FAM107B: variants seen among roughly 807,000 people sequenced by gnomAD.
FAM107B encodes the protein protein FAM107B.
Under a neutral mutation model 31.5 loss-of-function variants are expected in FAM107B, and 21 were observed. The observed-to-expected ratio is 0.67, with a 90% confidence interval of 0.47 to 0.96. The LOEUF is 0.96. Ranked by LOEUF, FAM107B falls within the 40% of genes least tolerant of loss-of-function variation. FAM107B has a pLI of 0.00. For missense variants in FAM107B, 452 were observed against 377.1 expected, an observed-to-expected ratio of 1.20 and a Z score of -1.64; for synonymous variants, 157 against 141.5, an observed-to-expected ratio of 1.11 and a Z score of -0.78.
intron 2 of FAM107B, among the ~76,000 whole-genome samples, chr10:14,543,655 T>G (rs1264790688): frequency 6.7e-6 from 1 of 149,600 alleles, no homozygotes; most frequent in South Asian, 2.1e-4. Flanking sequence ...AGCAGCCAAT[T>G]CTGTTCCAAG....
chr10:14,563,969 T>G (rs971643390), intron 2 of FAM107B, among the ~76,000 whole-genome samples: 7 of 152,312 alleles, frequency 4.6e-5, no homozygotes, highest in Admixed American at 4.6e-4. Flanking sequence ...TCATACTTTT[T>G]TTTGTTTTAG....
At chr10:14,558,018 G>A (rs911550531) in intron 2 of FAM107B, among the ~76,000 whole-genome samples, 2 of 152,236 alleles carry the variant, frequency 1.3e-5, no homozygotes, top group African/African-American at 2.4e-5. Context: ...GATCGAATTC[G>A]TCTTTTGAGC....
rs774786735 is a variant in FAM107B at position 14,573,576 on chromosome 10, C to CAAAAAA, written c.470-43067_470-43062dup. Among the ~76,000 whole-genome samples, 3 of 122,048 alleles carry CAAAAAA rather than the reference C, an allele frequency of 2.5e-5. 1 individual carries two copies. Among genetic ancestry groups the CAAAAAA allele is most frequent in the Non-Finnish European group, 4.9e-5 (3 of 60,846 alleles). The allele number at this position is 122,048 out of a possible 152,430, so 80.1% of individuals were successfully genotyped here. A position where few individuals can be genotyped will look rare whatever the true frequency, so the allele number is the denominator to read the frequency against. On this transcript the variant is annotated intron_variant, in intron 2 of 4. Transcript: ENST00000181796. ...TGAAACCCCATCTCTATTAAAAATA[C>CAAAAAA]AAAAAAAAAAAAAAAAAATTAGCAG...
At chr10:14,753,276 A>G (rs1480471605) in intron 1 of FAM107B, among the ~76,000 whole-genome samples, 3 of 152,206 alleles carry the variant, frequency 2.0e-5, no homozygotes, top group African/African-American at 7.2e-5. Context: ...AAAAGTTTTT[A>G]TGATCACCCT....
chr10:14,695,503 T>G (rs565699719), intron 1 of FAM107B, among the ~76,000 whole-genome samples: 6 of 152,312 alleles, frequency 3.9e-5, no homozygotes, highest in South Asian at 2.1e-4. Context: ...AATTTTAGAA[T>G]TTTTTTCCTA....
rs191916656 is a variant in FAM107B at position 14,571,976 on chromosome 10, G to A, written c.470-41461C>T. ...GCCCAAGGTAGCAAATAAAAAGATC[G>A]CAGTAAGAATGCACCTTCTGACTGT... On this transcript the variant is annotated intron_variant, in intron 2 of 4. Coordinates refer to ENST00000181796, the MANE Select transcript of FAM107B (RefSeq NM_031453.4). The A allele has an allele frequency of 2.6e-5, 26 of 985,380 alleles. No individual in the cohort carries two copies. The East Asian group carries it at 1.6e-3, about 60-fold the overall frequency. The allele number at this position is 985,380 out of a possible 1,614,324, so 61.0% of individuals were successfully genotyped here. A position where few individuals can be genotyped will look rare whatever the true frequency, so the allele number is the denominator to read the frequency against.
rs1852546259 is a variant in FAM107B at position 14,604,832 on chromosome 10, T to G, written c.469+62802A>C. ...CTCCCTTAATCTCTTTCTCTCTCAT[T>G]GTCTCTCTTTCTCTCATTCTCTCCC... On this transcript the variant is annotated intron_variant, in intron 2 of 4. Coordinates refer to ENST00000181796, the MANE Select transcript of FAM107B (RefSeq NM_031453.4). Among the ~76,000 whole-genome samples the G allele has an allele frequency of 9.3e-5, 14 of 151,186 alleles. 1 individual carries two copies. In the South Asian group the frequency reaches 2.5e-3, roughly 27 times the overall value.
chr10:14,543,059 T>C (rs182531070), intron 2 of FAM107B, among the ~76,000 whole-genome samples: 4 of 152,332 alleles, frequency 2.6e-5, no homozygotes, highest in Admixed American at 1.3e-4. Context: ...ATTACACTTA[T>C]CAAATAACAT....
chr10:14,697,093 C>T (rs117599841), intron 1 of FAM107B, among the ~76,000 whole-genome samples: 2,462 of 152,246 alleles, frequency 0.016, 33 homozygotes, highest in Non-Finnish European at 0.027. Flanking sequence ...AGAGTGCACG[C>T]TTTTTGGCTC....
chr10:14,541,653 G>C (rs1848216854), intron 2 of FAM107B, among the ~76,000 whole-genome samples: 1 of 152,180 alleles, frequency 6.6e-6, no homozygotes, highest in South Asian at 2.1e-4. Flanking sequence ...CCGCCTGTGG[G>C]CTAATTTCCC....
At chr10:14,674,157 A>T (rs556198684) in intron 1 of FAM107B, among the ~76,000 whole-genome samples, 1 of 152,320 alleles carries the variant, frequency 6.6e-6, no homozygotes, top group Non-Finnish European at 1.5e-5. Context: ...GGAGAAGAAA[A>T]CATAGGGAAA....
At chr10:14,659,439 TCAAAACAAAA>T (rs59778625) in intron 2 of FAM107B, among the ~76,000 whole-genome samples, 21 of 150,470 alleles carry the variant, frequency 1.4e-4, no homozygotes, top group African/African-American at 4.2e-4. Flanking sequence ...AAACTCCGTC[TCAAAACAAAA>T]CAAAACAAAA....
intron 2 of FAM107B, chr10:14,572,332 C>A (rs781325498): frequency 5.1e-6 from 5 of 985,418 alleles, no homozygotes; most frequent in Non-Finnish European, 6.0e-6. Flanking sequence ...GACTCTCCAG[C>A]CCTGGGTGGG....
At chr10:14,703,474 T>A (rs1168025719) in intron 1 of FAM107B, among the ~76,000 whole-genome samples, 4 of 151,992 alleles carry the variant, frequency 2.6e-5, no homozygotes, top group African/African-American at 9.7e-5. Flanking sequence ...TAGCTGGGAC[T>A]ACAGGCGTGC....
chr10:14,570,891 T>C (rs200507558), intron 2 of FAM107B, among the ~76,000 whole-genome samples: 6 of 150,690 alleles, frequency 4.0e-5, no homozygotes, highest in East Asian at 3.9e-4. Context: ...TCCACAACTG[T>C]GAAGGAGGAG....
intron 2 of FAM107B, among the ~76,000 whole-genome samples, chr10:14,535,184 T>A (rs1847482513): frequency 6.6e-6 from 1 of 152,226 alleles, no homozygotes; most frequent in South Asian, 2.1e-4. Flanking sequence ...GTAACTTTTT[T>A]TAATGTATTA....
intron 3 of FAM107B, among the ~76,000 whole-genome samples, chr10:14,527,684 T>C (rs1326616996): frequency 6.6e-6 from 1 of 152,142 alleles, no homozygotes; most frequent in Non-Finnish European, 1.5e-5. Flanking sequence ...TGAGACAAAA[T>C]GTAGGAAGAC....
At chr10:14,628,231 C>T (rs1303673679) in intron 2 of FAM107B, among the ~76,000 whole-genome samples, 1 of 150,130 alleles carries the variant, frequency 6.7e-6, no homozygotes, top group East Asian at 2.0e-4. Flanking sequence ...ATTCTTCTGC[C>T]TCAGGCTCCC....
At position 14,519,790 on chromosome 10, in the gene FAM107B, A is replaced by G. The variant is rs1004397467; in HGVS notation, c.*1400T>C. ...AAAGAAAGTATGAGAAGTCTCTCCA[A>G]TGCAGAAATGACTGGCTGAACTGTC... is the stretch of plus-strand genomic sequence containing the variant. On this transcript the variant is annotated 3_prime_UTR_variant, in exon 5 of 5. Transcript: ENST00000181796. 1 of 152,294 alleles carries G rather than the reference A, an allele frequency of 6.6e-6. No homozygotes were observed. Among genetic ancestry groups the G allele is most frequent in the African/African-American group, 2.4e-5 (1 of 41,444 alleles). 9.4% of individuals were successfully genotyped at this position (152,294 alleles called of 1,614,324 possible). A position where few individuals can be genotyped will look rare whatever the true frequency, so the allele number is the denominator to read the frequency against.
Sources: allele counts gnomAD v4.1 joint callset (sites outside exome capture counted in the v4.1 genomes callset), GRCh38; gene constraint gnomAD v4.1.1; transcripts MANE v1.5; gene names NCBI Gene and HGNC (gene_info 2026-07-23, HGNC 2026-07-21).